Variants in CTNNA2 observed in about 807,000 individuals in gnomAD.
The protein encoded by CTNNA2 is catenin alpha-2.
A neutral mutation model predicts 101.0 loss-of-function variants in CTNNA2; 42 were observed. The observed-to-expected ratio is 0.42, with a 90% confidence interval of 0.32 to 0.54. The LOEUF is 0.54. Among genes scored for constraint, CTNNA2 ranks in the 20% least tolerant of loss-of-function variants. CTNNA2 has a pLI of 0.14. For synonymous variants in CTNNA2, 450 were observed against 456.4 expected, an observed-to-expected ratio of 0.99 and a Z score of 0.18; for missense variants, 871 against 1,223.1, an observed-to-expected ratio of 0.71 and a Z score of 4.29.
chr2:79,908,681 C>CT (rs1389429902), intron 6 of CTNNA2, among the ~76,000 whole-genome samples: 1 of 152,136 alleles, frequency 6.6e-6, no homozygotes. Context: ...TTCTGTCTTC[C>CT]TTTTTGATTC....
At chr2:79,804,434 A>T (rs1052868973) in intron 3 of CTNNA2, among the ~76,000 whole-genome samples, 1 of 152,202 alleles carries the variant, frequency 6.6e-6, no homozygotes, top group Non-Finnish European at 1.5e-5. Context: ...AAATAGTTAA[A>T]GCAATAGAAA....
intron 6 of CTNNA2, among the ~76,000 whole-genome samples, chr2:79,878,567 G>A (rs1683191396): frequency 6.6e-6 from 1 of 152,130 alleles, no homozygotes; most frequent in African/African-American, 2.4e-5. Flanking sequence ...GTTTTGATTT[G>A]CATTTGTCTA....
chr2:80,595,369 T>A (rs986313110), intron 15 of CTNNA2, among the ~76,000 whole-genome samples: 1 of 152,194 alleles, frequency 6.6e-6, no homozygotes, highest in African/African-American at 2.4e-5. Flanking sequence ...GGACTTTTTT[T>A]AAAGAATCTT....
At chr2:79,886,820 C>T (rs189026651) in intron 6 of CTNNA2, among the ~76,000 whole-genome samples, 1 of 131,340 alleles carries the variant, frequency 7.6e-6, no homozygotes, top group Admixed American at 7.8e-5. Context: ...TTGTTGTTGT[C>T]GTTGTTTTGT....
At chr2:79,791,666 A>G (rs750009021) in intron 3 of CTNNA2, among the ~76,000 whole-genome samples, 2 of 152,208 alleles carry the variant, frequency 1.3e-5, no homozygotes, top group Non-Finnish European at 2.9e-5. Context: ...GGAAGTAGAA[A>G]GAAGTAGGAG....
chr2:80,071,607 C>A (rs1325333606), intron 7 of CTNNA2, among the ~76,000 whole-genome samples: 1 of 152,220 alleles, frequency 6.6e-6, no homozygotes, highest in African/African-American at 2.4e-5. Context: ...AGACTTCTCT[C>A]ACCCAGACTG....
chr2:80,357,279 TA>T (rs1232667546), intron 7 of CTNNA2, among the ~76,000 whole-genome samples: 1 of 149,392 alleles, frequency 6.7e-6, no homozygotes, highest in African/African-American at 2.6e-5. Flanking sequence ...TTTTATTTTT[TA>T]TTTTTTTTTG....
chr2:80,605,007 C>T (rs796181059), intron 16 of CTNNA2, among the ~76,000 whole-genome samples: 18 of 152,068 alleles, frequency 1.2e-4, no homozygotes, highest in African/African-American at 4.3e-4. Context: ...AACTTATGCT[C>T]CACCATAAAC....
Position 79,643,321 on chromosome 2 carries a change from A to G in CTNNA2, c.-5-8231A>G, listed in dbSNP as rs549318026. ...CATCTGGTCTGAGCAGAGATATCCC[A>G]TATAACTACTCCCCCACTGGCATGT... On this transcript the variant is annotated intron_variant, in intron 1 of 18. Transcript: ENST00000402739. Among the ~76,000 whole-genome samples the G allele has an allele frequency of 3.3e-5, 5 of 152,288 alleles. No homozygotes were observed. The South Asian group carries it at 8.3e-4, about 25-fold the overall frequency.
At chr2:79,475,139 C>T (rs1218395627) in intron 4 of CTNNA2, among the ~76,000 whole-genome samples, 1 of 151,774 alleles carries the variant, frequency 6.6e-6, no homozygotes, top group Non-Finnish European at 1.5e-5. Context: ...TTTTTTTTGT[C>T]CCAGAGCTCC....
intron 7 of CTNNA2, among the ~76,000 whole-genome samples, chr2:80,307,933 T>C (rs1203534434): frequency 6.6e-6 from 1 of 152,224 alleles, no homozygotes; most frequent in Non-Finnish European, 1.5e-5. Context: ...ATATGAGTTA[T>C]GAATCTGATG....
chr2:79,761,007 A>G (rs1208152428), intron 3 of CTNNA2, among the ~76,000 whole-genome samples: 1 of 152,216 alleles, frequency 6.6e-6, no homozygotes, highest in Non-Finnish European at 1.5e-5. Context: ...TATTTGCCAA[A>G]TATTAATGCC....
chr2:79,357,878 G>A (rs899814550), intron 3 of CTNNA2, among the ~76,000 whole-genome samples: 5 of 152,092 alleles, frequency 3.3e-5, no homozygotes, highest in East Asian at 1.9e-4. Flanking sequence ...AGCGAAGAAG[G>A]TGCTGTAAAA....
intron 2 of CTNNA2, among the ~76,000 whole-genome samples, chr2:79,708,352 C>G (rs996546449): frequency 4.6e-5 from 7 of 152,214 alleles, no homozygotes; most frequent in Middle Eastern, 3.4e-3. Flanking sequence ...CCTTTTCACC[C>G]TATTTATATT....
At chr2:80,391,260 C>G (rs1303693528) in intron 7 of CTNNA2, among the ~76,000 whole-genome samples, 1 of 152,034 alleles carries the variant, frequency 6.6e-6, no homozygotes, top group Non-Finnish European at 1.5e-5. Flanking sequence ...CTGTTCACAC[C>G]AGTCCCAGGC....
At chr2:80,144,174 G>C (rs1337836552) in intron 7 of CTNNA2, among the ~76,000 whole-genome samples, 3 of 152,080 alleles carry the variant, frequency 2.0e-5, no homozygotes, top group Non-Finnish European at 2.9e-5. Context: ...GACAAAATGT[G>C]ACAGTAGTGA....
chr2:80,213,703 G>A (rs987364784), intron 7 of CTNNA2, among the ~76,000 whole-genome samples: 11 of 152,196 alleles, frequency 7.2e-5, no homozygotes. Context: ...GATTTGGGGT[G>A]GAGAGTTCTA....
At chr2:79,523,071 A>G (rs527840224) in intron 1 of CTNNA2, 144 of 251,438 alleles carry the variant, frequency 5.7e-4, no homozygotes, top group South Asian at 4.2e-3. Flanking sequence ...ATAGGTATAT[A>G]TAAATTTGTA....
At chr2:79,557,317 G>C (rs1016740816) in intron 1 of CTNNA2, among the ~76,000 whole-genome samples, 7 of 151,932 alleles carry the variant, frequency 4.6e-5, no homozygotes, top group African/African-American at 1.7e-4. Context: ...TATTGTGTTA[G>C]TTGTACTTCA....
Sources: gnomAD v4.1 joint callset for allele counts (sites outside exome capture counted in the v4.1 genomes callset) on GRCh38, gnomAD v4.1.1 for gene constraint, MANE v1.5 for transcripts, NCBI Gene and HGNC (gene_info 2026-07-23, HGNC 2026-07-21) for gene names.